PLCE1: variants seen among roughly 807,000 people sequenced by gnomAD.
The protein encoded by PLCE1 is 1-phosphatidylinositol 4,5-bisphosphate phosphodiesterase epsilon-1.
PLCE1 carries 119 observed loss-of-function variants against 242.8 expected under a neutral mutation model. The observed-to-expected ratio is 0.49, with a 90% confidence interval of 0.42 to 0.57. The LOEUF (loss-of-function observed/expected upper bound fraction) is 0.57, where lower values mean the gene tolerates loss of function less well. Among genes scored for constraint, PLCE1 ranks in the 20% least tolerant of loss-of-function variants. PLCE1 has a pLI of 0.00. For missense variants in PLCE1, 2,441 were observed against 2,788.8 expected, an observed-to-expected ratio of 0.88 and a Z score of 2.81; for synonymous variants, 945 against 1,017.4, an observed-to-expected ratio of 0.93 and a Z score of 1.35.
At chr10:94,038,159 G>A (rs183935993) in intron 2 of PLCE1, among the ~76,000 whole-genome samples, 1 of 152,224 alleles carries the variant, frequency 6.6e-6, no homozygotes, top group African/African-American at 2.4e-5. Flanking sequence ...CATAGAAGTG[G>A]CCCCTTCTGA....
chr10:94,147,698 A>C (rs567002147), intron 3 of PLCE1, among the ~76,000 whole-genome samples: 4 of 152,318 alleles, frequency 2.6e-5, no homozygotes, highest in African/African-American at 9.6e-5. Flanking sequence ...TGGGAAACCA[A>C]AGCACAGAGC....
chr10:94,077,023 G>GT (rs1337720981), intron 2 of PLCE1, among the ~76,000 whole-genome samples: 1 of 152,208 alleles, frequency 6.6e-6, no homozygotes, highest in East Asian at 1.9e-4. Context: ...TGTATTAACT[G>GT]TTTTTTGCAT....
At chr10:94,073,589 A>C (rs1170375617) in intron 2 of PLCE1, among the ~76,000 whole-genome samples, 1 of 152,232 alleles carries the variant, frequency 6.6e-6, no homozygotes, top group African/African-American at 2.4e-5. Flanking sequence ...CGATCAATTT[A>C]GTTCATTTCC....
At chr10:94,178,195 A>G (rs1376132216) in intron 4 of PLCE1, among the ~76,000 whole-genome samples, 1 of 152,066 alleles carries the variant, frequency 6.6e-6, no homozygotes. Flanking sequence ...CTGGAAAGTG[A>G]TTTTCAAGGG....
intron 2 of PLCE1, among the ~76,000 whole-genome samples, chr10:94,130,481 A>G (rs1259195478): frequency 6.6e-6 from 1 of 152,184 alleles, no homozygotes; most frequent in Non-Finnish European, 1.5e-5. Flanking sequence ...TAGTGTTATT[A>G]TTCCCATTTT....
intron 6 of PLCE1, 143 bp from the exon 7 acceptor site, chr10:94,235,772 T>A (rs2050300477): frequency 6.8e-7 from 1 of 1,461,728 alleles, no homozygotes; most frequent in Non-Finnish European, 9.0e-7. Flanking sequence ...TGAAAAAATG[T>A]TTTTCCTGGA....
At chr10:94,022,348 T>C (rs1422681760) in intron 1 of PLCE1, among the ~76,000 whole-genome samples, 2 of 152,004 alleles carry the variant, frequency 1.3e-5, no homozygotes, top group Non-Finnish European at 2.9e-5. Flanking sequence ...TAGACCTCTA[T>C]ACAGATAAAT....
chr10:94,258,922 G>A lies in PLCE1; in HGVS notation c.3677G>A (p.Ser1226Asn). The A allele has an allele frequency of 6.2e-7, 1 of 1,614,038 alleles. No homozygotes were observed. The highest frequency in any genetic ancestry group is 8.5e-7 in the Non-Finnish European group (1 of 1,179,968). ...VEFVELFKSF[S>N]VRSRKDLKDL... Reference sequence around the variant, plus strand: ...TTTGTTGAGCTGTTCAAATCATTCAGGTACAGTCTTATGTTTCCTTCTTAT... The same window carrying A: ...TTTGTTGAGCTGTTCAAATCATTCAAGTACAGTCTTATGTTTCCTTCTTAT... Residue 1226 changes from serine to asparagine, a missense_variant and splice_region_variant, in exon 12 of 33, where the codon AGT becomes AAT. By Grantham distance (46) the Ser-to-Asn change is conservative (BLOSUM62 1). Transcript: ENST00000371380.
At chr10:94,022,997 G>T (rs2061398971) in intron 1 of PLCE1, among the ~76,000 whole-genome samples, 1 of 152,006 alleles carries the variant, frequency 6.6e-6, no homozygotes, top group Admixed American at 6.6e-5. Context: ...GTTCTTCAGG[G>T]GCTCTCAATC....
intron 3 of PLCE1, among the ~76,000 whole-genome samples, chr10:94,144,155 C>T (rs1266923055): frequency 6.6e-6 from 1 of 152,158 alleles, no homozygotes; most frequent in Non-Finnish European, 1.5e-5. Context: ...GACCCAAAAT[C>T]CTTAACTAGG....
Position 94,045,210 on chromosome 10 carries a change from C to T in PLCE1, c.1206+12958C>T, listed in dbSNP as rs113635582. 6.5e-3 allele frequency among the ~76,000 whole-genome samples: 995 copies of T among 152,116 alleles called. 13 individuals are homozygous for T. Among genetic ancestry groups the T allele is most frequent in the African/African-American group, 0.023 (952 of 41,492 alleles). On this transcript the variant is annotated intron_variant, in intron 2 of 32. Transcript: ENST00000371380. Reference sequence around the variant, plus strand: ...GTAGAGACTGGGTCTTGTTTTGTTGCCCAGGTTGGCGTCAAGTAATCCTCT... The same window carrying T: ...GTAGAGACTGGGTCTTGTTTTGTTGTCCAGGTTGGCGTCAAGTAATCCTCT...
intron 4 of PLCE1, among the ~76,000 whole-genome samples, chr10:94,220,376 T>TTATTTATA (rs1554887055): frequency 1.3e-4 from 8 of 61,878 alleles, no homozygotes; most frequent in Non-Finnish European, 2.0e-4. Flanking sequence ...ACTAAACATT[T>TTATTTATA]TATATATATA....
chr10:94,177,786 A>G (rs1364213477), intron 4 of PLCE1, among the ~76,000 whole-genome samples: 1 of 152,220 alleles, frequency 6.6e-6, no homozygotes, highest in Admixed American at 6.5e-5. Context: ...GAGGAAATGC[A>G]GAGGCATTTT....
intron 20 of PLCE1, chr10:94,283,183 A>C (rs1054046224): frequency 4.6e-5 from 7 of 152,592 alleles, no homozygotes; most frequent in African/African-American, 1.7e-4. Flanking sequence ...TTATGATATA[A>C]TATTCAGATA....
chr10:94,249,131 G>T (rs1289183534), intron 8 of PLCE1, among the ~76,000 whole-genome samples: 1 of 152,102 alleles, frequency 6.6e-6, no homozygotes, highest in Non-Finnish European at 1.5e-5. Flanking sequence ...TGAAATATAG[G>T]TGATGTTATT....
intron 2 of PLCE1, among the ~76,000 whole-genome samples, chr10:94,131,921 G>A (rs1044979797): frequency 3.9e-5 from 6 of 152,148 alleles, no homozygotes; most frequent in Non-Finnish European, 1.5e-5. Context: ...ATTTCTGGTT[G>A]GTATGACTTG....
At chr10:94,288,254 A>G (rs1000999173) in intron 22 of PLCE1, among the ~76,000 whole-genome samples, 1 of 152,066 alleles carries the variant, frequency 6.6e-6, no homozygotes, top group East Asian at 1.9e-4. Context: ...TGAGTCTCCA[A>G]TGTCCATTAC....
chr10:94,042,977 C>T (rs896152839), intron 2 of PLCE1, among the ~76,000 whole-genome samples: 6 of 152,046 alleles, frequency 3.9e-5, no homozygotes, highest in Non-Finnish European at 7.4e-5. Flanking sequence ...TCTGACCAAC[C>T]GACCTAAGTA....
chr10:94,078,818 A>G (rs1347756870), intron 2 of PLCE1, among the ~76,000 whole-genome samples: 4 of 152,168 alleles, frequency 2.6e-5, no homozygotes, highest in Admixed American at 2.0e-4. Flanking sequence ...TAGCTACAAC[A>G]TTTTGCATGC....
Sources: gnomAD v4.1 joint callset for allele counts (sites outside exome capture counted in the v4.1 genomes callset) on GRCh38, gnomAD v4.1.1 for gene constraint, MANE v1.5 for transcripts, NCBI Gene and HGNC (gene_info 2026-07-23, HGNC 2026-07-21) for gene names.